The following MECOM variants were observed in gnomAD, a reference collection of about 807,000 sequenced individuals.
The protein encoded by MECOM is MDS1 and EVI1 complex locus.
A neutral mutation model predicts 116.3 loss-of-function variants in MECOM; 13 were observed. The ratio of observed to expected loss-of-function variants is 0.11; its 90% CI spans 0.07 to 0.18. The LOEUF is 0.18. Ranked by LOEUF, MECOM falls within the 10% of genes least tolerant of loss-of-function variation. The pLI, the probability that MECOM is intolerant of heterozygous loss-of-function variation, is 1.00. For synonymous variants in MECOM, 528 were observed against 535.2 expected, an observed-to-expected ratio of 0.99 and a Z score of 0.19; for missense variants, 1,299 against 1,509.0, an observed-to-expected ratio of 0.86 and a Z score of 2.31.
In MECOM at chr3:169,611,010, G is replaced by A. The variant is rs1406259267; in HGVS notation, c.37+52326C>T. On this transcript the variant is annotated intron_variant, in intron 1 of 16. Transcript: ENST00000651503. This position sits in a 1 kb window ranked among gnomAD's most constrained non-coding sequence, Gnocchi z 4.1. ...CTTAAGAGGAGAGTTTCCTAAACTT[G>A]CCTTATGATAAAAACCACCTTCAGC... Among the ~76,000 whole-genome samples the A allele has an allele frequency of 6.6e-6, 1 of 152,186 alleles. No homozygotes were observed. Among genetic ancestry groups the A allele is most frequent in the East Asian group, 1.9e-4 (1 of 5,196 alleles).
At chr3:169,146,150 A>T in intron 2 of MECOM, 1 of 941,186 alleles carries the variant, frequency 1.1e-6, no homozygotes. Flanking sequence ...GCTTAAAAAA[A>T]AACCGTTTAG....
intron 1 of MECOM, among the ~76,000 whole-genome samples, chr3:169,526,688 AG>A (rs1758002789): frequency 6.6e-6 from 1 of 151,912 alleles, no homozygotes; most frequent in Non-Finnish European, 1.5e-5. Context: ...TTTAATTCTG[AG>A]AAGCCACAAA....
intron 2 of MECOM, among the ~76,000 whole-genome samples, chr3:169,323,815 AT>A (rs1198476737): frequency 1.3e-5 from 2 of 152,208 alleles, no homozygotes; most frequent in Non-Finnish European, 2.9e-5. Context: ...TAATCAGAGT[AT>A]GTTGGCATTT....
At chr3:169,183,943 C>G (rs1371820765) in intron 2 of MECOM, among the ~76,000 whole-genome samples, 1 of 151,822 alleles carries the variant, frequency 6.6e-6, no homozygotes, top group Non-Finnish European at 1.5e-5. Flanking sequence ...CGGCTCACTG[C>G]AAGCTCCACC....
At chr3:169,483,211 T>A (rs537305888) in intron 1 of MECOM, among the ~76,000 whole-genome samples, 3,381 of 150,792 alleles carry the variant, frequency 0.022, 139 homozygotes, top group African/African-American at 0.077. Flanking sequence ...TATTTTTTTT[T>A]TTTTTTTGCC....
chr3:169,096,362 C>G (rs1400386191), intron 12 of MECOM, among the ~76,000 whole-genome samples: 2 of 151,882 alleles, frequency 1.3e-5, no homozygotes, highest in Non-Finnish European at 2.9e-5. Flanking sequence ...CCTCTGCCTC[C>G]TGGGTTCAAG....
intron 1 of MECOM, among the ~76,000 whole-genome samples, chr3:169,580,211 GT>G (rs1465928824): frequency 6.6e-6 from 1 of 152,154 alleles, no homozygotes; most frequent in Non-Finnish European, 1.5e-5. Flanking sequence ...AATGCTTTCA[GT>G]TTGGGGCATG....
intron 2 of MECOM, among the ~76,000 whole-genome samples, chr3:169,240,723 C>T (rs1052953689): frequency 6.6e-6 from 1 of 152,090 alleles, no homozygotes. Flanking sequence ...AAACAAATGC[C>T]ATTTTGTGCC....
intron 1 of MECOM, among the ~76,000 whole-genome samples, chr3:169,557,863 C>T (rs1576867486): frequency 6.6e-6 from 1 of 152,150 alleles, no homozygotes; most frequent in East Asian, 1.9e-4. Flanking sequence ...GACAATAATA[C>T]TATTTCTTAC....
intron 2 of MECOM, among the ~76,000 whole-genome samples, chr3:169,257,501 T>C (rs887117738): frequency 6.6e-6 from 1 of 152,218 alleles, no homozygotes; most frequent in Admixed American, 6.5e-5. Context: ...GTTTATTCTA[T>C]GCAGTATTAG....
chr3:169,170,573 A>AT (rs916199017), intron 2 of MECOM, among the ~76,000 whole-genome samples: 1 of 151,862 alleles, frequency 6.6e-6, no homozygotes, highest in East Asian at 1.9e-4. Context: ...CTTGGCCAAT[A>AT]TTTTTTTTCC....
chr3:169,123,704 C>T (rs902957787), intron 5 of MECOM, among the ~76,000 whole-genome samples: 8 of 151,992 alleles, frequency 5.3e-5, no homozygotes, highest in African/African-American at 1.9e-4. Flanking sequence ...CTATGAAATT[C>T]ACAAGATGGC....
intron 1 of MECOM, among the ~76,000 whole-genome samples, chr3:169,525,314 A>G (rs565546983): frequency 6.6e-6 from 1 of 152,344 alleles, no homozygotes; most frequent in Admixed American, 6.5e-5. Context: ...GTATTGAGCT[A>G]TTAGAGTAAG....
chr3:169,250,398 C>T (rs1227447239), intron 2 of MECOM, among the ~76,000 whole-genome samples: 1 of 152,178 alleles, frequency 6.6e-6, no homozygotes, highest in Non-Finnish European at 1.5e-5. Flanking sequence ...GTAACTTCTC[C>T]TTTCTGCTGA....
chr3:169,378,459 AAGCAAGC>A (rs1560196898), intron 2 of MECOM, among the ~76,000 whole-genome samples: 2,509 of 60,054 alleles, frequency 0.042, 365 homozygotes, highest in African/African-American at 0.086. Flanking sequence ...GAAGGAAAGC[AAGCAAGC>A]AAGCAAGCAA....
intron 1 of MECOM, among the ~76,000 whole-genome samples, chr3:169,474,393 T>C (rs1415468870): frequency 1.3e-5 from 2 of 152,194 alleles, no homozygotes; most frequent in East Asian, 3.8e-4. Context: ...TTAATATAGA[T>C]GTCAGTCTGT....
At chr3:169,496,651 C>T (rs918507309) in intron 1 of MECOM, among the ~76,000 whole-genome samples, 1 of 152,186 alleles carries the variant, frequency 6.6e-6, no homozygotes, top group African/African-American at 2.4e-5. Context: ...CAAATTCTTT[C>T]GTTCAGTATC....
intron 1 of MECOM, among the ~76,000 whole-genome samples, chr3:169,532,666 G>T (rs774616890): frequency 6.6e-6 from 1 of 152,154 alleles, no homozygotes; most frequent in Non-Finnish European, 1.5e-5. Flanking sequence ...AATCCAGCAT[G>T]AATCTAATTG....
intron 2 of MECOM, among the ~76,000 whole-genome samples, chr3:169,203,245 T>C (rs1016460944): frequency 6.6e-6 from 1 of 152,166 alleles, no homozygotes; most frequent in Non-Finnish European, 1.5e-5. Context: ...ATTTTGCCAA[T>C]TGATCAACAC....
Sources: allele counts gnomAD v4.1 joint callset (sites outside exome capture counted in the v4.1 genomes callset), GRCh38; gene constraint gnomAD v4.1.1; non-coding constraint Gnocchi (gnomAD v3.1); transcripts MANE v1.5; gene names NCBI Gene and HGNC (gene_info 2026-07-23, HGNC 2026-07-21).